FOXRED2: variants seen among roughly 807,000 people sequenced by gnomAD.
The protein encoded by FOXRED2 is FAD dependent oxidoreductase domain containing 2.
Under a neutral mutation model 52.5 loss-of-function variants are expected in FOXRED2, and 32 were observed. The ratio of observed to expected loss-of-function variants is 0.61; its 90% CI spans 0.46 to 0.82. FOXRED2 has a LOEUF of 0.82. Ranked by LOEUF, FOXRED2 falls within the 40% of genes least tolerant of loss-of-function variation. FOXRED2 has a pLI of 0.00. For synonymous variants in FOXRED2, 405 were observed against 398.1 expected (o/e 1.02, Z -0.21); for missense variants, 848 against 937.5 (o/e 0.90, Z 1.25).
chr22:36,499,499 G>T (rs1027110440), intron 5 of FOXRED2, among the ~76,000 whole-genome samples: 7 of 152,104 alleles, frequency 4.6e-5, no homozygotes, highest in Admixed American at 4.6e-4. Flanking sequence ...GGTGGTGCAC[G>T]CCTGAAGTCC....
At position 36,504,309 on chromosome 22, in the gene FOXRED2, C is replaced by G; in HGVS notation, c.838G>C (p.Glu280Gln). The G allele has an allele frequency of 6.2e-7, 1 of 1,614,130 alleles. No individual in the cohort carries two copies. Among genetic ancestry groups the G allele is most frequent in the Non-Finnish European group, 8.5e-7 (1 of 1,180,028 alleles). ...ATGGCCAGATCCGTCAGGTCAGACT[C>G]GAGCAGCCCGTCCAGGGACTTGAGC... ...YQLKSLDGLL[E>Q]SDLTDLAILK... Residue 280 changes from glutamate (E) to glutamine (Q), a missense_variant, in exon 4 of 9, where the codon GAG (glutamate) becomes CAG (glutamine). Coordinates refer to ENST00000397224, the MANE Select transcript of FOXRED2 (RefSeq NM_001102371.2).
intron 1 of FOXRED2, 135 bp from the exon 2 acceptor site, chr22:36,506,558 G>T: frequency 1.2e-6 from 1 of 866,420 alleles, no homozygotes; most frequent in Non-Finnish European, 1.7e-6. Context: ...CGTCCTCAGA[G>T]CTCATTTGCC....
rs776195073 is a variant in FOXRED2, at chr22:36,501,449, A to G, written c.1050-42T>C. On this transcript the variant is annotated intron_variant, in intron 4 of 8. Transcript: ENST00000397224. ...CTGTTCATGAAAATAGCTGCTATGT[A>G]AGAGGCACTTATTTATTTAGTTAGT... 6.3e-6 allele frequency: 10 copies of G among 1,590,854 alleles called. No homozygotes were observed. In the East Asian group the frequency reaches 2.2e-4, roughly 36 times the overall value.
intron 4 of FOXRED2, among the ~76,000 whole-genome samples, 167 bp from the exon 5 acceptor site, chr22:36,501,574 C>T (rs574497923): frequency 6.6e-6 from 1 of 152,216 alleles, no homozygotes; most frequent in South Asian, 2.1e-4. Context: ...TATTATCCTG[C>T]CTGAGCCTCC....
rs1603491429 is a variant in FOXRED2, at chr22:36,488,087, A to G, written c.*1921T>C. On this transcript the variant is annotated 3_prime_UTR_variant, in exon 9 of 9. Coordinates refer to ENST00000397224, the MANE Select transcript of FOXRED2 (RefSeq NM_001102371.2). ...AGCCTGGGTGACAAGAGCGAAATCC[A>G]TTGCAAAAAAAAAAAAAAAGAAAAA... The G allele has an allele frequency of 2.2e-5, 2 of 89,956 alleles. No homozygotes were observed. Among genetic ancestry groups the G allele is most frequent in the African/African-American group, 4.3e-5 (1 of 23,028 alleles). The allele number at this position is 89,956 out of a possible 1,614,324, so 5.6% of individuals were successfully genotyped here.
intron 7 of FOXRED2, 95 bp downstream of exon 7, chr22:36,495,872 G>A (rs995258027): frequency 1.0e-5 from 14 of 1,395,516 alleles, no homozygotes; most frequent in Middle Eastern, 1.8e-4. Flanking sequence ...CCTGTCAGCT[G>A]AGCATGTGTG....
rs753301653 is a variant in FOXRED2, at chr22:36,493,762, G to A, written c.1666C>T (p.Arg556Trp). ...ACGATGTGATGGATGGCCGTGGGCC[G>A]AGGCAGGGGCCAGTGTGCAGGGCGG... is the stretch of plus-strand genomic sequence containing the variant. ...RFRPAHWPLP[R>W]PTAIHHIVED... is the part of the protein sequence containing the mutation. Residue 556 changes from arginine (R) to tryptophan (W), a missense_variant, in exon 8 of 9, where the codon CGG becomes TGG. Transcript: ENST00000397224. 10 of 1,614,088 alleles carry A rather than the reference G, an allele frequency of 6.2e-6. No homozygotes were observed. The highest frequency in any genetic ancestry group is 3.3e-5 in the Admixed American group (2 of 60,008).
chr22:36,493,753 C>A lies in FOXRED2; in HGVS notation c.1675G>T (p.Ala559Ser). ...PAHWPLPRPT[A>S]IHHIVEDFLT... is the part of the protein sequence containing the mutation. ...AAGTCTTCCACGATGTGATGGATGG[C>A]CGTGGGCCGAGGCAGGGGCCAGTGT... The change falls in exon 8 of 9, where the codon GCC becomes TCC. Residue 559 changes from alanine to serine, a missense_variant. By Grantham distance (99) the Ala-to-Ser change is moderately conservative (BLOSUM62 1). Transcript: ENST00000397224. 6.2e-7 allele frequency: 1 copy of A among 1,614,204 alleles called. No individual in the cohort carries two copies.
rs148416432 is a variant in FOXRED2 at position 36,498,496 on chromosome 22, G to A, written c.1217-340C>T. On this transcript the variant is annotated intron_variant, in intron 5 of 8. Transcript: ENST00000397224. ...ACAGCTGGAGTTGGTCTCCAGGCCA[G>A]AGTCCATCTGCCCCTGCTTCAGGCC... is the stretch of plus-strand genomic sequence containing the variant. 9 of 219,056 alleles carry A rather than the reference G, an allele frequency of 4.1e-5. 1 individual carries two copies. Among genetic ancestry groups the A allele is most frequent in the Middle Eastern group, 3.5e-3 (2 of 570 alleles). 13.6% of individuals were successfully genotyped at this position (219,056 alleles called of 1,614,324 possible).
At chr22:36,502,886 G>A (rs926828663) in intron 4 of FOXRED2, among the ~76,000 whole-genome samples, 1 of 152,018 alleles carries the variant, frequency 6.6e-6, no homozygotes, top group African/African-American at 2.4e-5. Context: ...TAGAGACGGG[G>A]TTTCGCTACA....
In FOXRED2 at chr22:36,506,076, C is replaced by G. The variant is rs750514982; in HGVS notation, c.347G>C (p.Arg116Pro). The G allele has an allele frequency of 6.2e-7, 1 of 1,614,228 alleles. No homozygotes were observed. The highest frequency in any genetic ancestry group is 8.5e-7 in the Non-Finnish European group (1 of 1,180,046). The change falls in exon 2 of 9, where the codon CGT becomes CCT. Residue 116 changes from arginine (R) to proline (P), a missense_variant. Physicochemically the swap from Arg to Pro is moderately radical, Grantham distance 103 (BLOSUM62 -2). Transcript: ENST00000397224. Reference protein sequence around the residue: ...DPRLLFRHYSRAYFPDARDMV... With the variant: ...DPRLLFRHYSPAYFPDARDMV... ...GTCGCGGGCGTCGGGGAAGTAGGCA[C>G]GCGAGTAGTGTCTGAAGAGCAGCCG...
In FOXRED2 at chr22:36,490,030, T is replaced by C; in HGVS notation, c.2033A>G (p.Asp678Gly). 6.3e-7 allele frequency: 1 copy of C among 1,598,052 alleles called. No homozygotes were observed. The highest frequency in any genetic ancestry group is 8.5e-7 in the Non-Finnish European group (1 of 1,170,140). The change falls in exon 9 of 9, where the codon GAT becomes GGT. Residue 678 changes from aspartate (D) to glycine (G), a missense_variant. Transcript: ENST00000397224. ...LAPGPLAQSVDSNKEEL is the reference protein window; with the variant it reads ...LAPGPLAQSVGSNKEEL ...CAGTCAGAGCTCCTCTTTGTTGCTA[T>C]CGACGGACTGAGCCAGAGGCCCTGG...
intron 4 of FOXRED2, 57 bp from the exon 5 acceptor site, chr22:36,501,464 A>T (rs1479980323): frequency 3.8e-5 from 60 of 1,562,702 alleles, no homozygotes; most frequent in Non-Finnish European, 4.9e-5. Flanking sequence ...GCACTTATTT[A>T]TTTAGTTAGT....
Position 36,505,891 on chromosome 22 carries a change from C to T in FOXRED2, c.527+5G>A. The T allele has an allele frequency of 1.2e-6, 2 of 1,606,098 alleles. No individual in the cohort carries two copies. Among genetic ancestry groups the T allele is most frequent in the South Asian group, 2.2e-5 (2 of 90,968 alleles). On this transcript the variant is annotated splice_donor_5th_base_variant and intron_variant, in intron 2 of 8. Transcript: ENST00000397224. Reference sequence around the variant, plus strand: ...TCCGCAGGTGAGCTCTGGCACCGGCCTTACCTGCACTGATGCACCTGGCCC... The same window carrying T: ...TCCGCAGGTGAGCTCTGGCACCGGCTTTACCTGCACTGATGCACCTGGCCC...
In FOXRED2 at chr22:36,489,910, C is replaced by T. The variant is rs1279633622; in HGVS notation, c.*98G>A. 5.7e-5 allele frequency: 72 copies of T among 1,267,482 alleles called. No individual in the cohort carries two copies. The highest frequency in any genetic ancestry group is 7.3e-5 in the Non-Finnish European group (68 of 930,856). The allele number at this position is 1,267,482 out of a possible 1,614,324, so 78.5% of individuals were successfully genotyped here. A position where few individuals can be genotyped will look rare whatever the true frequency, so the allele number is the denominator to read the frequency against. On this transcript the variant is annotated 3_prime_UTR_variant, in exon 9 of 9. Transcript: ENST00000397224. ...TGATCTGAGTGGTCTTTGGCAATCA[C>T]GCATTGGCGGGAGTGTGAGGTTGCG... is the stretch of plus-strand genomic sequence containing the variant.
intron 7 of FOXRED2, among the ~76,000 whole-genome samples, chr22:36,495,729 G>A (rs1227789243): frequency 2.0e-5 from 3 of 152,250 alleles, no homozygotes; most frequent in African/African-American, 7.2e-5. Context: ...ACTACACAGT[G>A]CCTGGCGGAG....
intron 8 of FOXRED2, among the ~76,000 whole-genome samples, chr22:36,492,731 T>C (rs1325722204): frequency 6.6e-6 from 1 of 152,172 alleles, no homozygotes; most frequent in East Asian, 1.9e-4. Flanking sequence ...TGGCCAGGGC[T>C]GGTCTCGAAC....
intron 8 of FOXRED2, among the ~76,000 whole-genome samples, chr22:36,491,998 T>G (rs1933768849): frequency 6.6e-6 from 1 of 152,010 alleles, no homozygotes; most frequent in African/African-American, 2.4e-5. Context: ...CCCCTCTATC[T>G]CAAGTGAAAA....
In FOXRED2 at chr22:36,498,159, G is replaced by A. The variant is rs780232903; in HGVS notation, c.1217-3C>T. 12 of 1,609,078 alleles carry A rather than the reference G, an allele frequency of 7.5e-6. No individual in the cohort carries two copies. Among genetic ancestry groups the A allele is most frequent in the Admixed American group, 3.3e-5 (2 of 59,894 alleles). The stretch of plus-strand genomic sequence containing the variant: ...CAGGAGCCGGTGAACAGCACGCACT[G>A]GAACAGCCAGAGGGAGGAACGGCAC... On this transcript the variant is annotated splice_polypyrimidine_tract_variant and splice_region_variant and intron_variant, in intron 5 of 8. Transcript: ENST00000397224.
Sources: allele counts gnomAD v4.1 joint callset (sites outside exome capture counted in the v4.1 genomes callset), GRCh38; gene constraint gnomAD v4.1.1; transcripts MANE v1.5; gene names NCBI Gene and HGNC (gene_info 2026-07-23, HGNC 2026-07-21).